The following OR2L13 variants were observed in gnomAD, a reference collection of about 807,000 sequenced individuals.
The protein encoded by OR2L13 is olfactory receptor 2L13.
A neutral mutation model predicts 15.3 loss-of-function variants in OR2L13; 14 were observed. That is an observed-to-expected ratio of 0.91 (90% CI 0.60 to 1.43). OR2L13 has a LOEUF of 1.43. OR2L13 is among the 40% of genes most tolerant of loss of function. The pLI, the probability that OR2L13 is intolerant of heterozygous loss-of-function variation, is 0.00. For synonymous variants in OR2L13, 152 were observed against 142.9 expected (o/e 1.06, Z -0.45); for missense variants, 367 against 387.9 (o/e 0.95, Z 0.45).
chr1:247,975,158 T>G, the OR2L13 span: 1 of 400,324 alleles, frequency 2.5e-6, no homozygotes, highest in South Asian at 2.2e-5. Flanking sequence ...CAAGATAGTA[T>G]GTGCTGATGA....
chr1:248,043,949 C>T, the OR2L13 span, among the ~76,000 whole-genome samples: 3 of 152,056 alleles, frequency 2.0e-5, no homozygotes, highest in African/African-American at 7.2e-5. Flanking sequence ...TTAAGAATGC[C>T]TTTGTTCTTA....
At chr1:247,965,863 G>A in the OR2L13 span, 13 of 1,613,700 alleles carry the variant, frequency 8.1e-6, no homozygotes, top group East Asian at 4.5e-5. Context: ...TACATTGTAT[G>A]TGTTTCAGCT....
chr1:248,032,587 CTG>C, the OR2L13 span, among the ~76,000 whole-genome samples: 1 of 152,172 alleles, frequency 6.6e-6, no homozygotes, highest in Admixed American at 6.5e-5. Context: ...TGGGTACTTC[CTG>C]TACATAAATT....
At chr1:248,083,542 T>G in the OR2L13 span, 1 of 926,742 alleles carries the variant, frequency 1.1e-6, no homozygotes, top group Non-Finnish European at 1.7e-6. Flanking sequence ...TGCACAAACT[T>G]AATTTTCTGT....
chr1:248,039,267 G>A, the OR2L13 span: 4 of 1,466,128 alleles, frequency 2.7e-6, no homozygotes, highest in Non-Finnish European at 3.7e-6. Context: ...GTGTACAGCA[G>A]TGAAGAAAAA....
the OR2L13 span, among the ~76,000 whole-genome samples, chr1:247,985,061 C>T: frequency 1.3e-5 from 2 of 152,116 alleles, no homozygotes; most frequent in Admixed American, 6.6e-5. Context: ...GTCAAAACTT[C>T]ATTCACTTTT....
At chr1:247,967,418 T>TG in the OR2L13 span, among the ~76,000 whole-genome samples, 4 of 151,894 alleles carry the variant, frequency 2.6e-5, no homozygotes, top group Non-Finnish European at 5.9e-5. Flanking sequence ...TAGTAGAGAC[T>TG]GGTTTTCACC....
At chr1:248,038,601 C>T in the OR2L13 span, 1 of 1,614,172 alleles carries the variant, frequency 6.2e-7, no homozygotes, top group Non-Finnish European at 8.5e-7. Context: ...TGCAGAAGGG[C>T]TGCTCCTGAC....
At chr1:248,035,113 G>A in the OR2L13 span, among the ~76,000 whole-genome samples, 6 of 147,698 alleles carry the variant, frequency 4.1e-5, no homozygotes, top group Admixed American at 6.8e-5. Context: ...AATAGATGCC[G>A]TGAAAGTGGA....
chr1:248,001,040 A>T, the OR2L13 span, among the ~76,000 whole-genome samples: 1 of 151,844 alleles, frequency 6.6e-6, no homozygotes, highest in Admixed American at 6.6e-5. Context: ...CATTTTTAAA[A>T]GGTTTATATT....
the OR2L13 span, chr1:248,061,837 A>G: frequency 2.5e-6 from 1 of 406,990 alleles, no homozygotes; most frequent in Non-Finnish European, 4.3e-6. Context: ...ATAAATTTTG[A>G]AAGCACCTAC....
At chr1:248,099,433 A>C in exon 3 of OR2L13, 1 of 1,613,960 alleles carries the variant, frequency 6.2e-7, no homozygotes, top group East Asian at 2.2e-5. Context: ...GCTTCCCCCA[A>C]ATCAAACTGG....
the OR2L13 span, among the ~76,000 whole-genome samples, chr1:248,082,144 A>G: frequency 2.1e-5 from 3 of 145,206 alleles, no homozygotes. Flanking sequence ...TATATACACC[A>G]TGGAATACTA....
chr1:248,071,493 G>A, the OR2L13 span, among the ~76,000 whole-genome samples: 125 of 152,020 alleles, frequency 8.2e-4, no homozygotes, highest in African/African-American at 2.6e-3. Flanking sequence ...AATAAGAGCT[G>A]TCTATGACAA....
the OR2L13 span, among the ~76,000 whole-genome samples, chr1:248,033,873 C>G: frequency 6.6e-6 from 1 of 152,070 alleles, no homozygotes; most frequent in Non-Finnish European, 1.5e-5. Context: ...ATTGGAAGTC[C>G]TAGCCACAGC....
chr1:248,004,367 G>A, the OR2L13 span, among the ~76,000 whole-genome samples: 1 of 152,120 alleles, frequency 6.6e-6, no homozygotes, highest in Non-Finnish European at 1.5e-5. Flanking sequence ...TCTAACCAAA[G>A]TTGGCACTTA....
chr1:247,952,868 A>G, the OR2L13 span, among the ~76,000 whole-genome samples: 1 of 152,212 alleles, frequency 6.6e-6, no homozygotes, highest in East Asian at 1.9e-4. Flanking sequence ...AAATCATTCC[A>G]TCTCTCTGAA....
At chr1:248,083,367 A>G in the OR2L13 span, among the ~76,000 whole-genome samples, 355 of 152,260 alleles carry the variant, frequency 2.3e-3, no homozygotes, top group African/African-American at 8.1e-3. Context: ...CTTTTTTTAG[A>G]AAGTAGGATA....
the OR2L13 span, among the ~76,000 whole-genome samples, chr1:248,016,053 A>G: frequency 6.6e-6 from 1 of 152,170 alleles, no homozygotes; most frequent in East Asian, 1.9e-4. Context: ...ATTCTTCCTT[A>G]TGATAATGAG....
Sources: allele counts gnomAD v4.1 joint callset (sites outside exome capture counted in the v4.1 genomes callset), GRCh38; gene constraint gnomAD v4.1.1; transcripts MANE v1.5; gene names NCBI Gene and HGNC (gene_info 2026-07-23, HGNC 2026-07-21).